The following SNAPC3 variants were observed in gnomAD, a reference collection of about 807,000 sequenced individuals.
SNAPC3 encodes the protein snRNA-activating protein complex subunit 3.
In SNAPC3, 56 loss-of-function variants were observed where a neutral mutation model predicts 47.7. The ratio of observed to expected loss-of-function variants is 1.18; its 90% CI spans 0.95 to 1.47. SNAPC3 has a LOEUF of 1.47. Ranked by LOEUF, SNAPC3 falls within the 40% of genes most tolerant of loss-of-function variation. SNAPC3 has a pLI of 0.00. For synonymous variants in SNAPC3, 235 were observed against 189.9 expected (o/e 1.24, Z -1.95); for missense variants, 665 against 511.3 (o/e 1.30, Z -2.90).
chr9:15,441,696 G>A (rs1321023854), intron 3 of SNAPC3, among the ~76,000 whole-genome samples: 3 of 152,138 alleles, frequency 2.0e-5, no homozygotes, highest in Non-Finnish European at 4.4e-5. Context: ...ATGTTTCAGA[G>A]AGCAGGGGGT....
chr9:15,453,754 C>T (rs1345637284), intron 7 of SNAPC3, among the ~76,000 whole-genome samples: 12 of 152,122 alleles, frequency 7.9e-5, no homozygotes, highest in African/African-American at 2.9e-4. Flanking sequence ...CTATTCATTT[C>T]CTCTTTATTT....
chr9:15,465,301 A>G (rs898488166), downstream of SNAPC3: 7 of 457,608 alleles, frequency 1.5e-5, no homozygotes, highest in African/African-American at 1.4e-4. Flanking sequence ...TTCTAAATGG[A>G]TTTTATCCCA....
chr9:15,450,863 GC>G (rs2034333653), intron 5 of SNAPC3, among the ~76,000 whole-genome samples: 1 of 152,182 alleles, frequency 6.6e-6, no homozygotes, highest in Admixed American at 6.5e-5. Flanking sequence ...AGTACCTGGG[GC>G]AAGATTGCTT....
In SNAPC3 at chr9:15,460,780, CTA is replaced by C. The variant is rs1417398312; in HGVS notation, c.*916_*917del. 1 of 152,170 alleles carries C rather than the reference CTA, an allele frequency of 6.6e-6. No homozygotes were observed. The highest frequency in any genetic ancestry group is 2.4e-5 in the African/African-American group (1 of 41,434). 9.4% of individuals were successfully genotyped at this position (152,170 alleles called of 1,614,324 possible). A position where few individuals can be genotyped will look rare whatever the true frequency, so the allele number is the denominator to read the frequency against. ...AGGCATACAAGACATGTTAATAAGA[CTA>C]TGTGAATAATGAATTTAAAAAGATC... On this transcript the variant is annotated 3_prime_UTR_variant, in exon 9 of 9. Coordinates refer to ENST00000380821, the MANE Select transcript of SNAPC3 (RefSeq NM_001039697.2).
chr9:15,465,152 AG>A (rs1451215719), downstream of SNAPC3: 2 of 237,738 alleles, frequency 8.4e-6, no homozygotes, highest in Non-Finnish European at 1.6e-5. Flanking sequence ...CAAAACCCAC[AG>A]TATTTGGGAA....
In SNAPC3 at chr9:15,423,092, G is replaced by T. The variant is rs919675384; in HGVS notation, c.213G>T (p.Leu71=). Residue 71 remains leucine (L), a synonymous_variant, in exon 1 of 9, where the codon CTG becomes CTT. Coordinates refer to ENST00000380821, the MANE Select transcript of SNAPC3 (RefSeq NM_001039697.2). ...TGAGGGAGCCGCCGGCATCCGCTCT[G>T]CCTGGGAGCCAGGCAGCTGACTCCG... The part of the protein sequence containing the change: ...LSLREPPASA[L]PGSQAADSDR... 4.5e-6 allele frequency: 7 copies of T among 1,538,980 alleles called. No homozygotes were observed. The highest frequency in any genetic ancestry group is 2.9e-5 in the African/African-American group (2 of 69,618).
At chr9:15,449,725 C>T (rs1279341378) in intron 5 of SNAPC3, among the ~76,000 whole-genome samples, 1 of 151,386 alleles carries the variant, frequency 6.6e-6, no homozygotes, top group Admixed American at 6.6e-5. Context: ...CATGCACCAC[C>T]ATGCCCGGCT....
chr9:15,435,612 T>C (rs1050617360), intron 3 of SNAPC3, among the ~76,000 whole-genome samples: 4 of 150,994 alleles, frequency 2.6e-5, no homozygotes, highest in African/African-American at 4.9e-5. Flanking sequence ...GCGCCTGTAA[T>C]CCCAGCTACT....
At chr9:15,445,754 G>A (rs1044916326) in intron 4 of SNAPC3, among the ~76,000 whole-genome samples, 13 of 152,078 alleles carry the variant, frequency 8.5e-5, no homozygotes, top group African/African-American at 2.9e-4. Context: ...TTCAAGATCA[G>A]CCTAGACAAA....
chr9:15,458,070 G>A lies in SNAPC3; in HGVS notation c.1088+3G>A. 2 of 1,447,460 alleles carry A rather than the reference G, an allele frequency of 1.4e-6. No homozygotes were observed. Among genetic ancestry groups the A allele is most frequent in the Non-Finnish European group, 1.8e-6 (2 of 1,083,156 alleles). 89.7% of individuals were successfully genotyped at this position (1,447,460 alleles called of 1,614,324 possible). The stretch of plus-strand genomic sequence containing the variant: ...GTTTGTAAAATGTATACAGCCAGGT[G>A]AGTGATAATGTATTTTTTTTTTTCT... On this transcript the variant is annotated splice_donor_region_variant and intron_variant, in intron 8 of 8. Transcript: ENST00000380821.
At chr9:15,442,003 G>A (rs1232084959) in intron 3 of SNAPC3, among the ~76,000 whole-genome samples, 2 of 151,844 alleles carry the variant, frequency 1.3e-5, no homozygotes, top group Non-Finnish European at 2.9e-5. Flanking sequence ...TCCCGGACAG[G>A]GCGGCGGCCA....
At chr9:15,447,306 C>A in intron 5 of SNAPC3, 62 bp downstream of exon 5, 2 of 1,443,996 alleles carry the variant, frequency 1.4e-6, no homozygotes, top group Non-Finnish European at 1.9e-6. Context: ...AGCGATTACT[C>A]TAGCTGGTTC....
intron 6 of SNAPC3, 61 bp from the exon 7 acceptor site, chr9:15,452,979 GT>G: frequency 1.4e-6 from 2 of 1,380,472 alleles, no homozygotes; most frequent in Non-Finnish European, 9.9e-7. Context: ...ATCACAAACT[GT>G]TTTCTGTAGT....
At chr9:15,466,605 G>T, downstream of SNAPC3, 1 of 608,688 alleles carries the variant, frequency 1.6e-6, no homozygotes, top group Non-Finnish European at 2.7e-6. Flanking sequence ...CTTCCTTTTT[G>T]AATTGTAACT....
intron 2 of SNAPC3, 31 bp from the exon 3 acceptor site, chr9:15,433,521 G>C (rs781479482): frequency 2.3e-6 from 3 of 1,318,572 alleles, no homozygotes; most frequent in Non-Finnish European, 3.2e-6. Flanking sequence ...GTTGAACTTT[G>C]ATTTTTTTTT....
At chr9:15,463,013 A>G (rs925001864), downstream of SNAPC3, 1 of 152,142 alleles carries the variant, frequency 6.6e-6, no homozygotes, top group Non-Finnish European at 1.5e-5. Context: ...GTAGGAACAC[A>G]GACAGCAGTA....
chr9:15,431,386 C>T (rs2136709), intron 2 of SNAPC3, among the ~76,000 whole-genome samples: 146,967 of 152,322 alleles, frequency 0.96, 70,967 homozygotes, highest in East Asian at 1. Context: ...TTCTATACTT[C>T]AGTGTTCCCT....
At chr9:15,449,997 G>C (rs1456682665) in intron 5 of SNAPC3, among the ~76,000 whole-genome samples, 1 of 152,058 alleles carries the variant, frequency 6.6e-6, no homozygotes, top group African/African-American at 2.4e-5. Context: ...GCAGTGTTTT[G>C]TAAAACACAT....
chr9:15,460,301 T>G lies in SNAPC3; in HGVS notation c.*435T>G, dbSNP rs1322591282. 2 of 152,736 alleles carry G rather than the reference T, an allele frequency of 1.3e-5. No homozygotes were observed. Among genetic ancestry groups the G allele is most frequent in the Non-Finnish European group, 2.9e-5 (2 of 68,414 alleles). 9.5% of individuals were successfully genotyped at this position (152,736 alleles called of 1,614,324 possible). ...AATGTGAGAGCTACACCTTCTACCA[T>G]GAGGCTTCCAAGGTAAAGATCCTTC... On this transcript the variant is annotated 3_prime_UTR_variant, in exon 9 of 9. Coordinates refer to ENST00000380821, the MANE Select transcript of SNAPC3 (RefSeq NM_001039697.2).
Sources: gnomAD v4.1 joint callset for allele counts (sites outside exome capture counted in the v4.1 genomes callset) on GRCh38, gnomAD v4.1.1 for gene constraint, MANE v1.5 for transcripts, NCBI Gene and HGNC (gene_info 2026-07-23, HGNC 2026-07-21) for gene names.